Variants in STRIP2 observed in about 807,000 individuals in gnomAD.
STRIP2 encodes striatin interacting protein 2.
A neutral mutation model predicts 107.1 loss-of-function variants in STRIP2; 84 were observed. The ratio of observed to expected loss-of-function variants is 0.78; its 90% CI spans 0.66 to 0.94. The LOEUF (loss-of-function observed/expected upper bound fraction) is 0.94, where lower values mean the gene tolerates loss of function less well. Among genes scored for constraint, STRIP2 ranks in the 40% least tolerant of loss-of-function variants. The pLI, the probability that STRIP2 is intolerant of heterozygous loss-of-function variation, is 0.00. For synonymous variants in STRIP2, 394 were observed against 400.4 expected (o/e 0.98, Z 0.19); for missense variants, 888 against 1,034.2 (o/e 0.86, Z 1.94).
intron 18 of STRIP2, among the ~76,000 whole-genome samples, chr7:129,475,843 T>C (rs1181752127): frequency 6.6e-6 from 1 of 152,022 alleles, no homozygotes; most frequent in Admixed American, 6.5e-5. Context: ...TAACCCTGAG[T>C]GGACACAGCA....
intron 18 of STRIP2, among the ~76,000 whole-genome samples, chr7:129,472,439 C>T (rs1798809592): frequency 6.6e-6 from 1 of 152,116 alleles, no homozygotes; most frequent in Admixed American, 6.5e-5. Context: ...TAATATTATT[C>T]AGAGTGAAAG....
In STRIP2 at chr7:129,480,787, A is replaced by G. The variant is rs1799096324; in HGVS notation, c.1947A>G (p.Glu649=). 1.9e-6 allele frequency: 3 copies of G among 1,612,846 alleles called. No individual in the cohort carries two copies. The highest frequency in any genetic ancestry group is 2.5e-6 in the Non-Finnish European group (3 of 1,179,414). ...DLPELTTESL[E]AGDNSQFCWR... The stretch of plus-strand genomic sequence containing the variant: ...ATGATGGATGTTCCCTACTATAGGA[A>G]GCTGGAGACAACAGCCAGTTCTGCT... Residue 649 remains glutamate, a splice_region_variant and synonymous_variant, in exon 19 of 21, where the codon GAA becomes GAG. Transcript: ENST00000249344.
At chr7:129,480,762 A>G in intron 18 of STRIP2, 23 bp from the exon 19 acceptor site, 1 of 1,592,056 alleles carries the variant, frequency 6.3e-7, no homozygotes, top group Non-Finnish European at 8.6e-7. Context: ...TATTAAGATA[A>G]TGATGGATGT....
intron 19 of STRIP2, among the ~76,000 whole-genome samples, chr7:129,482,144 T>C (rs1799133978): frequency 6.6e-6 from 1 of 151,930 alleles, no homozygotes; most frequent in African/African-American, 2.4e-5. Flanking sequence ...AGAGTAAGAC[T>C]CCATCTTAAA....
chr7:129,460,388 C>G lies in STRIP2; in HGVS notation c.1476+16C>G. 3 of 1,610,466 alleles carry G rather than the reference C, an allele frequency of 1.9e-6. No homozygotes were observed. In the South Asian group the frequency reaches 3.3e-5, roughly 18 times the overall value. ...TATGTCTTTGGTGAGCCAAGGAAGCCCTACACAGGAGGAGAGTAGAAGAAA... is the reference window on the plus strand; with the variant it reads ...TATGTCTTTGGTGAGCCAAGGAAGCGCTACACAGGAGGAGAGTAGAAGAAA... On this transcript the variant is annotated intron_variant, in intron 13 of 20. Transcript: ENST00000249344.
chr7:129,478,315 G>A lies in STRIP2; in HGVS notation c.1945-2470G>A, dbSNP rs543436116. Reference sequence around the variant, plus strand: ...ACCTGAGGTCAGGAGTTCAAGACCAGCCTGGCCAACATGGTGAAACCCCAT... The same window carrying A: ...ACCTGAGGTCAGGAGTTCAAGACCAACCTGGCCAACATGGTGAAACCCCAT... On this transcript the variant is annotated intron_variant, in intron 18 of 20. Coordinates refer to ENST00000249344, the MANE Select transcript of STRIP2 (RefSeq NM_020704.3). 1.6e-4 allele frequency among the ~76,000 whole-genome samples: 24 copies of A among 152,242 alleles called. 1 individual carries two copies. In the South Asian group the frequency reaches 5.0e-3, roughly 32 times the overall value.
At chr7:129,460,517 A>G in intron 13 of STRIP2, 145 bp downstream of exon 13, 1 of 701,192 alleles carries the variant, frequency 1.4e-6, no homozygotes, top group Non-Finnish European at 2.5e-6. Flanking sequence ...TTCATGATAT[A>G]TTGAAGTTGG....
intron 8 of STRIP2, 47 bp from the exon 9 acceptor site, chr7:129,456,392 C>T: frequency 6.4e-7 from 1 of 1,561,870 alleles, no homozygotes; most frequent in South Asian, 1.1e-5. Context: ...CTCTCTCTTA[C>T]TTCCCTTCCT....
intron 19 of STRIP2, among the ~76,000 whole-genome samples, chr7:129,481,475 C>A (rs1322380659): frequency 6.6e-6 from 1 of 151,916 alleles, no homozygotes; most frequent in African/African-American, 2.4e-5. Flanking sequence ...CCAGCGTGGG[C>A]AACGGAGTGA....
At chr7:129,485,485 AG>A (rs1799223177) in intron 20 of STRIP2, 93 bp from the exon 21 acceptor site, 1 of 1,307,596 alleles carries the variant, frequency 7.6e-7, no homozygotes, top group East Asian at 2.4e-5. Flanking sequence ...ATTTCTGAGC[AG>A]TTCCATTTTT....
At position 129,480,842 on chromosome 7, in the gene STRIP2, C is replaced by T. The variant is rs1256805986; in HGVS notation, c.2002C>T (p.Leu668=). 4 of 1,613,868 alleles carry T rather than the reference C, an allele frequency of 2.5e-6. No individual in the cohort carries two copies. The African/African-American group carries it at 4.0e-5, about 16-fold the overall frequency. The change falls in exon 19 of 21, where the codon CTG becomes TTG. Residue 668 remains leucine, a synonymous_variant. Coordinates refer to ENST00000249344, the MANE Select transcript of STRIP2 (RefSeq NM_020704.3). ...WRNLFSCINL[L]RLLNKLTKWK... ...GAACCTCTTTTCCTGCATCAACCTC[C>T]TGAGGCTGCTCAATAAACTGACCAA...
chr7:129,438,089 G>A (rs186643385), intron 1 of STRIP2, among the ~76,000 whole-genome samples: 6 of 152,344 alleles, frequency 3.9e-5, no homozygotes, highest in African/African-American at 1.4e-4. Flanking sequence ...ACAGGCGTGA[G>A]CCACTGCGCC....
chr7:129,459,455 TGGGGTATCAGTA>T, intron 11 of STRIP2, 50 bp from the exon 12 acceptor site: 1 of 1,407,992 alleles, frequency 7.1e-7, no homozygotes, highest in Non-Finnish European at 1.0e-6. Flanking sequence ...AGGGGGGTAT[TGGGGTATCAGTA>T]GTTCTCGTAC....
chr7:129,442,023 G>A lies in STRIP2; in HGVS notation c.199+1932G>A, dbSNP rs143301369. ...TGGGTAGATCACCTGTCAGGAGTTC[G>A]AGACCAGCCTGACCAATATGGTGAA... On this transcript the variant is annotated intron_variant, in intron 2 of 20. Transcript: ENST00000249344. 7.8e-3 allele frequency among the ~76,000 whole-genome samples: 1,186 copies of A among 152,252 alleles called. 11 individuals carry two copies. Among genetic ancestry groups the A allele is most frequent in the African/African-American group, 0.026 (1,100 of 41,530 alleles).
chr7:129,477,511 A>G (rs1799002719), intron 18 of STRIP2, among the ~76,000 whole-genome samples: 2 of 152,180 alleles, frequency 1.3e-5, no homozygotes, highest in Admixed American at 1.3e-4. Flanking sequence ...TCAAACTCAC[A>G]TACCCAGGTA....
In STRIP2 at chr7:129,464,044, A is replaced by G. The variant is rs1236181652; in HGVS notation, c.1552A>G (p.Ile518Val). 1.2e-6 allele frequency: 2 copies of G among 1,613,132 alleles called. No homozygotes were observed. Among genetic ancestry groups the G allele is most frequent in the Non-Finnish European group, 1.7e-6 (2 of 1,179,574 alleles). Residue 518 changes from isoleucine (I) to valine (V), a missense_variant and splice_region_variant, in exon 15 of 21, where the codon ATC (isoleucine) becomes GTC (valine). Ile to Val is a conservative substitution (Grantham distance 29, BLOSUM62 3). Coordinates refer to ENST00000249344, the MANE Select transcript of STRIP2 (RefSeq NM_020704.3). The part of the protein sequence containing the change: ...GMLYSLPQYM[I>V]ALLKILLAAA... The stretch of plus-strand genomic sequence containing the variant: ...AATTTCTTTATTTTCTACTTCTCAG[A>G]TCGCTCTGCTTAAGATTCTGCTGGC...
intron 18 of STRIP2, among the ~76,000 whole-genome samples, chr7:129,478,937 A>C (rs1799043098): frequency 6.6e-6 from 1 of 152,148 alleles, no homozygotes; most frequent in African/African-American, 2.4e-5. Context: ...GTAGAAATAC[A>C]CTTACTTATC....
At chr7:129,447,833 A>G (rs1437444984) in intron 3 of STRIP2, among the ~76,000 whole-genome samples, 1 of 152,236 alleles carries the variant, frequency 6.6e-6, no homozygotes, top group Non-Finnish European at 1.5e-5. Flanking sequence ...TAAGCTTACG[A>G]TAATCCACTG....
intron 18 of STRIP2, 145 bp downstream of exon 18, chr7:129,470,860 G>T: frequency 1.4e-6 from 1 of 701,420 alleles, no homozygotes; most frequent in Non-Finnish European, 2.5e-6. Flanking sequence ...CAGAGATGCA[G>T]CAGGGGTTTA....
Sources: allele counts gnomAD v4.1 joint callset (sites outside exome capture counted in the v4.1 genomes callset), GRCh38; gene constraint gnomAD v4.1.1; transcripts MANE v1.5; gene names NCBI Gene and HGNC (gene_info 2026-07-23, HGNC 2026-07-21).